DTD1: variants seen among roughly 807,000 people sequenced by gnomAD.
DTD1 encodes D-tyrosyl-tRNA deacylase 1 homolog.
A neutral mutation model predicts 25.6 loss-of-function variants in DTD1; 13 were observed. The ratio of observed to expected loss-of-function variants is 0.51; its 90% CI spans 0.33 to 0.81. The LOEUF (loss-of-function observed/expected upper bound fraction) is 0.81. Among genes scored for constraint, DTD1 ranks in the 30% least tolerant of loss-of-function variants. DTD1 has a pLI of 0.02. For synonymous variants in DTD1, 110 were observed against 103.6 expected, an observed-to-expected ratio of 1.06 and a Z score of -0.37; for missense variants, 193 against 266.4, an observed-to-expected ratio of 0.72 and a Z score of 1.92.
intron 3 of DTD1, among the ~76,000 whole-genome samples, chr20:18,610,683 G>C (rs1487475178): frequency 1.3e-5 from 2 of 152,214 alleles, no homozygotes; most frequent in African/African-American, 4.8e-5. Flanking sequence ...GCCAAGACGG[G>C]TGGATTGCTT....
At chr20:18,672,715 G>C (rs1314169015) in intron 4 of DTD1, among the ~76,000 whole-genome samples, 1 of 152,096 alleles carries the variant, frequency 6.6e-6, no homozygotes, top group Admixed American at 6.5e-5. Context: ...GGATAGATAG[G>C]GGAACTCCAT....
At chr20:18,684,933 A>C (rs1339336404) in intron 4 of DTD1, among the ~76,000 whole-genome samples, 3 of 151,382 alleles carry the variant, frequency 2.0e-5, no homozygotes, top group Admixed American at 6.6e-5. Flanking sequence ...ATTAGAGATA[A>C]GGTTTCACTG....
intron 5 of DTD1, among the ~76,000 whole-genome samples, chr20:18,755,859 A>G (rs1451954694): frequency 6.6e-6 from 1 of 152,122 alleles, no homozygotes; most frequent in African/African-American, 2.4e-5. Flanking sequence ...GACTTCCACA[A>G]TGGTTGAACT....
At chr20:18,635,193 A>G (rs1437360323) in intron 4 of DTD1, among the ~76,000 whole-genome samples, 1 of 152,244 alleles carries the variant, frequency 6.6e-6, no homozygotes. Flanking sequence ...CAATTACTCC[A>G]GAAATATTAG....
intron 1 of DTD1, among the ~76,000 whole-genome samples, chr20:18,589,919 T>G (rs1292981010): frequency 8.1e-6 from 1 of 124,168 alleles, no homozygotes. Flanking sequence ...GTTGGGGAAC[T>G]GTGGAATTCT....
At chr20:18,730,112 GT>G (rs1306463723) in intron 4 of DTD1, among the ~76,000 whole-genome samples, 2 of 152,084 alleles carry the variant, frequency 1.3e-5, no homozygotes, top group African/African-American at 4.8e-5. Context: ...GGGAATTGTG[GT>G]TTTTGTTTAC....
chr20:18,647,511 G>A (rs1331848203), intron 4 of DTD1, among the ~76,000 whole-genome samples: 1 of 152,188 alleles, frequency 6.6e-6, no homozygotes, highest in Non-Finnish European at 1.5e-5. Flanking sequence ...CGAAGGTTGA[G>A]GAAGAGGCAG....
chr20:18,651,931 G>C (rs966311973), intron 4 of DTD1, among the ~76,000 whole-genome samples: 8 of 152,306 alleles, frequency 5.3e-5, no homozygotes, highest in Middle Eastern at 6.8e-3. Context: ...ATTTAAAGTG[G>C]ACAGAATGCT....
intron 3 of DTD1, among the ~76,000 whole-genome samples, chr20:18,619,672 G>A (rs1322088435): frequency 1.3e-5 from 2 of 151,744 alleles, no homozygotes; most frequent in Non-Finnish European, 2.9e-5. Flanking sequence ...CTATCTGCCC[G>A]CCTCGGCCTC....
At chr20:18,741,511 T>C (rs772469599) in intron 4 of DTD1, among the ~76,000 whole-genome samples, 1 of 152,186 alleles carries the variant, frequency 6.6e-6, no homozygotes, top group Non-Finnish European at 1.5e-5. Context: ...CCTGTATATA[T>C]TCATTCCACT....
intron 4 of DTD1, among the ~76,000 whole-genome samples, chr20:18,674,050 A>T (rs2060960482): frequency 6.6e-6 from 1 of 152,128 alleles, no homozygotes; most frequent in African/African-American, 2.4e-5. Flanking sequence ...TACTTGCTAA[A>T]TTTCTGTATT....
chr20:18,596,351 C>T, intron 3 of DTD1, 110 bp downstream of exon 3: 1 of 892,576 alleles, frequency 1.1e-6, no homozygotes, highest in South Asian at 1.7e-5. Context: ...ATTGTTTATG[C>T]TTGTTACTTA....
intron 4 of DTD1, among the ~76,000 whole-genome samples, chr20:18,667,697 C>T (rs1327287109): frequency 1.3e-5 from 2 of 152,122 alleles, no homozygotes; most frequent in African/African-American, 4.8e-5. Context: ...ATGAACTGAC[C>T]ACCAGCTTCT....
intron 3 of DTD1, among the ~76,000 whole-genome samples, chr20:18,598,452 C>G (rs1186409018): frequency 6.6e-6 from 1 of 151,818 alleles, no homozygotes; most frequent in Non-Finnish European, 1.5e-5. Flanking sequence ...GTGCATGTGT[C>G]TTTATAGTAG....
chr20:18,744,207 C>T lies in DTD1; in HGVS notation c.585C>T (p.Ala195=). ...RNTPRKEDRS[A]SSGAEGDVSS... is the part of the protein sequence containing the mutation. ...CTCCCCGAAAAGAAGACCGCAGTGCCAGCAGCGGGGCTGAGGGCGACGTGT... is the reference window on the plus strand; with the variant it reads ...CTCCCCGAAAAGAAGACCGCAGTGCTAGCAGCGGGGCTGAGGGCGACGTGT... The change falls in exon 5 of 6, where the codon GCC becomes GCT. Residue 195 remains alanine (A), a synonymous_variant. Transcript: ENST00000377452. 3 of 1,612,258 alleles carry T rather than the reference C, an allele frequency of 1.9e-6. No individual in the cohort carries two copies. Among genetic ancestry groups the T allele is most frequent in the Non-Finnish European group, 1.7e-6 (2 of 1,180,032 alleles).
At chr20:18,609,303 C>T (rs372105749) in intron 3 of DTD1, among the ~76,000 whole-genome samples, 1 of 151,948 alleles carries the variant, frequency 6.6e-6, no homozygotes, top group African/African-American at 2.4e-5. Flanking sequence ...CCACCACACT[C>T]GGCTAATTTT....
In DTD1 at chr20:18,731,759, G is replaced by T. The variant is rs563318267; in HGVS notation, c.478-12341G>T. 3.3e-5 allele frequency among the ~76,000 whole-genome samples: 5 copies of T among 152,170 alleles called. No homozygotes were observed. In the East Asian group the frequency reaches 9.6e-4, roughly 29 times the overall value. On this transcript the variant is annotated intron_variant, in intron 4 of 5. Transcript: ENST00000377452. ...ATTGATTCAATAAGCAATATTTATT[G>T]TCTGGACTCTGTAACTGTTATGCAC...
chr20:18,625,274 G>A (rs1416247892), intron 3 of DTD1, among the ~76,000 whole-genome samples: 1 of 152,224 alleles, frequency 6.6e-6, no homozygotes, highest in Non-Finnish European at 1.5e-5. Flanking sequence ...TCAGCTGCCA[G>A]GGCCTGAAGG....
chr20:18,654,284 C>G (rs2060884300), intron 4 of DTD1, among the ~76,000 whole-genome samples: 1 of 152,144 alleles, frequency 6.6e-6, no homozygotes, highest in African/African-American at 2.4e-5. Context: ...GGGCAGTTCC[C>G]CTGCACATGT....
Sources: allele counts gnomAD v4.1 joint callset (sites outside exome capture counted in the v4.1 genomes callset), GRCh38; gene constraint gnomAD v4.1.1; transcripts MANE v1.5; gene names NCBI Gene and HGNC (gene_info 2026-07-23, HGNC 2026-07-21).